The following ZDHHC9 variants were observed in gnomAD, a reference collection of about 807,000 sequenced individuals.
ZDHHC9 encodes palmitoyltransferase ZDHHC9.
A neutral mutation model predicts 26.6 loss-of-function variants in ZDHHC9; 3 were observed. That is an observed-to-expected ratio of 0.11 (90% CI 0.05 to 0.29). The LOEUF (loss-of-function observed/expected upper bound fraction) is 0.29. Ranked by LOEUF, ZDHHC9 falls within the 10% of genes least tolerant of loss-of-function variation. The pLI is 1.00. For missense variants in ZDHHC9, 146 were observed against 296.4 expected, an observed-to-expected ratio of 0.49 and a Z score of 3.73; for synonymous variants, 111 against 109.4, an observed-to-expected ratio of 1.01 and a Z score of -0.09.
At chrX:129,837,057 C>T (rs966475717) in intron 3 of ZDHHC9, among the ~76,000 whole-genome samples, 5 of 112,178 alleles carry the variant, frequency 4.5e-5, no homozygotes, top group African/African-American at 1.6e-4. Context: ...CTGGTCAACT[C>T]ATCTTGATAA....
chrX:129,829,795 T>G (rs752220881), intron 3 of ZDHHC9, among the ~76,000 whole-genome samples: 4 of 111,816 alleles, frequency 3.6e-5, no homozygotes, highest in Middle Eastern at 4.6e-3. Flanking sequence ...CCCAACATCA[T>G]GTTCACTCCC....
intron 10 of ZDHHC9, among the ~76,000 whole-genome samples, chrX:129,810,545 C>T (rs1329007825): frequency 9.0e-6 from 1 of 111,418 alleles, no homozygotes; most frequent in Non-Finnish European, 1.9e-5. Flanking sequence ...GCCCCTATAG[C>T]ATTTTATGCT....
At chrX:129,818,177 G>C (rs193115786) in intron 5 of ZDHHC9, among the ~76,000 whole-genome samples, 6 of 111,872 alleles carry the variant, frequency 5.4e-5, no homozygotes, top group Admixed American at 2.9e-4. Context: ...ACAGAGAAAA[G>C]GTCACGTGAG....
chrX:129,840,584 A>G (rs1212437808), intron 3 of ZDHHC9, among the ~76,000 whole-genome samples: 2 of 111,398 alleles, frequency 1.8e-5, no homozygotes, highest in African/African-American at 6.5e-5. Context: ...TTCACTAAAC[A>G]CTTCACAAAG....
intron 3 of ZDHHC9, among the ~76,000 whole-genome samples, chrX:129,833,297 T>A (rs1476016010): frequency 8.9e-6 from 1 of 112,030 alleles, no homozygotes; most frequent in Non-Finnish European, 1.9e-5. Context: ...GACTCCCACA[T>A]GTCCCCTCAG....
At chrX:129,811,070 T>C (rs191301015) in intron 9 of ZDHHC9, 69 bp from the exon 10 acceptor site, 1 of 966,870 alleles carries the variant, frequency 1.0e-6, no homozygotes, top group Non-Finnish European at 1.5e-6. Context: ...CTACGGAATT[T>C]TGCTGCATAG....
intron 3 of ZDHHC9, among the ~76,000 whole-genome samples, chrX:129,840,081 C>CA (rs1928346207): frequency 9.0e-6 from 1 of 111,230 alleles, no homozygotes; most frequent in Non-Finnish European, 1.9e-5. Context: ...CAGAGGCCTG[C>CA]AGGGGCCTCA....
chrX:129,842,081 C>A lies in ZDHHC9; in HGVS notation c.-135-1G>T. 1 of 785,707 alleles carries A rather than the reference C, an allele frequency of 1.3e-6. No homozygotes were observed. Among genetic ancestry groups the A allele is most frequent in the Non-Finnish European group, 1.9e-6 (1 of 532,098 alleles). 64.8% of individuals were successfully genotyped at this position (785,707 alleles called of 1,213,427 possible). A position where few individuals can be genotyped will look rare whatever the true frequency, so the allele number is the denominator to read the frequency against. On this transcript the variant is annotated splice_acceptor_variant, in intron 2 of 10. Coordinates refer to ENST00000357166, the MANE Select transcript of ZDHHC9 (RefSeq NM_016032.4). LOFTEE classifies it low-confidence loss of function (5UTR_SPLICE). ...ATCATCAAAAGTCCAATTGCTAGCC[C>A]TAAGAAAAAGCAGAAAAAGAAAAAA...
At chrX:129,806,861 CA>C (rs1397263855) in intron 10 of ZDHHC9, among the ~76,000 whole-genome samples, 1 of 111,768 alleles carries the variant, frequency 8.9e-6, no homozygotes, top group Non-Finnish European at 1.9e-5. Flanking sequence ...ACACACAGCT[CA>C]TTAGAATAGT....
chrX:129,814,273 C>T (rs1230216287), intron 6 of ZDHHC9, among the ~76,000 whole-genome samples: 5 of 111,800 alleles, frequency 4.5e-5, no homozygotes, highest in African/African-American at 1.6e-4. Flanking sequence ...AGACATTTCT[C>T]AGGCAAAACC....
At chrX:129,829,895 T>C (rs1299970794) in intron 3 of ZDHHC9, among the ~76,000 whole-genome samples, 1 of 111,749 alleles carries the variant, frequency 8.9e-6, no homozygotes, top group African/African-American at 3.3e-5. Context: ...GAGACATCAA[T>C]ATCATTGTCA....
At chrX:129,825,771 T>C (rs1272587100) in intron 4 of ZDHHC9, among the ~76,000 whole-genome samples, 2 of 111,730 alleles carry the variant, frequency 1.8e-5, no homozygotes, top group Non-Finnish European at 3.8e-5. Context: ...TAAGCAGTAA[T>C]ACATGAAGTT....
chrX:129,829,290 C>A, intron 3 of ZDHHC9, 149 bp from the exon 4 acceptor site: 1 of 656,858 alleles, frequency 1.5e-6, no homozygotes. Flanking sequence ...ACCCCAAACC[C>A]CTAACATATG....
intron 8 of ZDHHC9, 127 bp downstream of exon 8, chrX:129,812,591 C>T (rs1032650186): frequency 1.1e-4 from 63 of 578,426 alleles, no homozygotes; most frequent in South Asian, 7.4e-4. Flanking sequence ...TTAACAACCT[C>T]GCATACCACG....
At chrX:129,821,097 C>T (rs1927872457) in intron 5 of ZDHHC9, among the ~76,000 whole-genome samples, 1 of 111,715 alleles carries the variant, frequency 9.0e-6, no homozygotes, top group Non-Finnish European at 1.9e-5. Flanking sequence ...GAGATACCAT[C>T]TCATGCCAGT....
intron 4 of ZDHHC9, among the ~76,000 whole-genome samples, chrX:129,828,538 C>T (rs756621982): frequency 9.0e-6 from 1 of 110,800 alleles, no homozygotes; most frequent in Admixed American, 9.6e-5. Context: ...AGGAGAATCA[C>T]TTAAACCTGG....
chrX:129,809,737 G>A, intron 10 of ZDHHC9, among the ~76,000 whole-genome samples: 1 of 112,005 alleles, frequency 8.9e-6, no homozygotes, highest in African/African-American at 3.2e-5. Context: ...AGTGGCTCAC[G>A]CCTGTAATCC....
chrX:129,821,402 C>A lies in ZDHHC9; in HGVS notation c.487+2277G>T, dbSNP rs1002593514. 6.5e-5 allele frequency among the ~76,000 whole-genome samples: 7 copies of A among 107,255 alleles called. No homozygotes were observed. In the East Asian group the frequency reaches 1.8e-3, roughly 28 times the overall value. 93.1% of individuals were successfully genotyped at this position (107,255 alleles called of 115,157 possible). A position where few individuals can be genotyped will look rare whatever the true frequency, so the allele number is the denominator to read the frequency against. On this transcript the variant is annotated intron_variant, in intron 5 of 10. Transcript: ENST00000357166. Reference sequence around the variant, plus strand: ...CCGCCTCCCGGGTTCACGCCATTCTCCTGCCTTAGCCTCCCGAGTAGCTGG... The same window carrying A: ...CCGCCTCCCGGGTTCACGCCATTCTACTGCCTTAGCCTCCCGAGTAGCTGG...
At chrX:129,825,581 G>A (rs977728380) in intron 4 of ZDHHC9, among the ~76,000 whole-genome samples, 5 of 110,791 alleles carry the variant, frequency 4.5e-5, no homozygotes, top group Non-Finnish European at 7.6e-5. Flanking sequence ...ATTCCATATT[G>A]TTGGGATTTT....
Sources: gnomAD v4.1 joint callset for allele counts (sites outside exome capture counted in the v4.1 genomes callset) on GRCh38, gnomAD v4.1.1 for gene constraint, MANE v1.5 for transcripts, NCBI Gene and HGNC (gene_info 2026-07-23, HGNC 2026-07-21) for gene names.